PRKDC: variants seen among roughly 807,000 people sequenced by gnomAD.
The protein encoded by PRKDC is DNA-dependent protein kinase catalytic subunit.
A neutral mutation model predicts 486.9 loss-of-function variants in PRKDC; 82 were observed. That is an observed-to-expected ratio of 0.17 (90% CI 0.14 to 0.20). The LOEUF (loss-of-function observed/expected upper bound fraction) is 0.20, where lower values mean the gene tolerates loss of function less well. Ranked by LOEUF, PRKDC falls within the 10% of genes least tolerant of loss-of-function variation. The pLI is 1.00. For synonymous variants in PRKDC, 1,895 were observed against 1,837.0 expected, an observed-to-expected ratio of 1.03 and a Z score of -0.81; for missense variants, 4,504 against 5,038.2, an observed-to-expected ratio of 0.89 and a Z score of 3.21.
At chr8:47,851,482 G>A (rs1429886403) in intron 52 of PRKDC, among the ~76,000 whole-genome samples, 3 of 152,112 alleles carry the variant, frequency 2.0e-5, no homozygotes, top group African/African-American at 4.8e-5. Context: ...ATCCATACTT[G>A]GTGACATGGA....
chr8:47,802,978 G>A, intron 70 of PRKDC, among the ~76,000 whole-genome samples: 1 of 152,012 alleles, frequency 6.6e-6, no homozygotes, highest in East Asian at 1.9e-4. Context: ...TAGTAGAGAT[G>A]GGGTTTCATC....
chr8:47,919,781 A>C (rs1466926028), intron 21 of PRKDC, among the ~76,000 whole-genome samples: 4 of 151,756 alleles, frequency 2.6e-5, no homozygotes, highest in Non-Finnish European at 4.4e-5. Context: ...CACTGGAAAA[A>C]ACAGATCTTT....
intron 40 of PRKDC, among the ~76,000 whole-genome samples, chr8:47,868,983 C>A (rs1156925426): frequency 6.6e-6 from 1 of 152,130 alleles, no homozygotes; most frequent in Non-Finnish European, 1.5e-5. Context: ...TTTAGACCAG[C>A]CCTAATCAGA....
chr8:47,840,033 C>A lies in PRKDC; in HGVS notation c.7437G>T (p.Trp2479Cys), dbSNP rs1372091265. The change falls in exon 55 of 86, where the codon TGG (tryptophan) becomes TGT (cysteine). Residue 2479 changes from tryptophan (W) to cysteine (C), a missense_variant. Coordinates refer to ENST00000314191, the MANE Select transcript of PRKDC (RefSeq NM_006904.7). ...TAGCTTACCTGTAATTATCATGAAT[C>A]CACATGAGAATATTATACATTTGTT... is the stretch of plus-strand genomic sequence containing the variant. The part of the protein sequence containing the change: ...CREQMYNILM[W>C]IHDNYRDPES... 6.5e-7 allele frequency: 1 copy of A among 1,539,294 alleles called. No individual in the cohort carries two copies. Among genetic ancestry groups the A allele is most frequent in the Non-Finnish European group, 8.8e-7 (1 of 1,139,860 alleles).
intron 11 of PRKDC, among the ~76,000 whole-genome samples, chr8:47,937,272 A>G (rs1377512437): frequency 6.6e-6 from 1 of 152,156 alleles, no homozygotes; most frequent in African/African-American, 2.4e-5. Context: ...AAATAAATAA[A>G]TAAATAAAAT....
Position 47,882,052 on chromosome 8 carries a change from G to C in PRKDC, c.4822C>G (p.Arg1608Gly). The stretch of plus-strand genomic sequence containing the variant: ...AGTCCTTGGTGTTTCTGGTTTGCTC[G>C]CTCCCTGAAGCTCTGGTCTAACATG... ...NGMLDQSFRE[R>G]ANQKHQGLKL... is the part of the protein sequence containing the mutation. The change falls in exon 37 of 86, where the codon CGA becomes GGA. Residue 1608 changes from arginine (R) to glycine (G), a missense_variant. Physicochemically the swap from Arg to Gly is moderately radical, Grantham distance 125 (BLOSUM62 -2). Coordinates refer to ENST00000314191, the MANE Select transcript of PRKDC (RefSeq NM_006904.7). 6.2e-7 allele frequency: 1 copy of C among 1,613,828 alleles called. No individual in the cohort carries two copies. The highest frequency in any genetic ancestry group is 8.5e-7 in the Non-Finnish European group (1 of 1,179,828).
intron 31 of PRKDC, 123 bp downstream of exon 31, chr8:47,893,016 A>C: frequency 8.4e-7 from 1 of 1,187,772 alleles, no homozygotes; most frequent in South Asian, 3.0e-5. Context: ...GTGACATGAA[A>C]GCACGGGCAA....
chr8:47,952,084 T>A (rs1287658022), intron 7 of PRKDC, among the ~76,000 whole-genome samples: 1 of 152,180 alleles, frequency 6.6e-6, no homozygotes, highest in Non-Finnish European at 1.5e-5. Context: ...AAACTAAGGT[T>A]ACCATACAAC....
chr8:47,790,899 A>C (rs984025806), intron 74 of PRKDC, among the ~76,000 whole-genome samples: 3 of 152,198 alleles, frequency 2.0e-5, no homozygotes, highest in African/African-American at 7.2e-5. Flanking sequence ...CTCACCACAT[A>C]CAAAAATCAA....
chr8:47,818,334 C>A (rs951904824), intron 67 of PRKDC, among the ~76,000 whole-genome samples: 5 of 151,988 alleles, frequency 3.3e-5, no homozygotes, highest in Non-Finnish European at 5.9e-5. Flanking sequence ...TACCCCAGCA[C>A]TTTGGGAGGC....
chr8:47,934,555 A>AATAC lies in PRKDC; in HGVS notation c.1497+453_1497+454insGTAT, dbSNP rs1396513463. On this transcript the variant is annotated intron_variant, in intron 14 of 85. Transcript: ENST00000314191. The stretch of plus-strand genomic sequence containing the variant: ...GTCTCAAAAAATAAATAAATAAATA[A>AATAC]ATAGATAACGGAAAAATATGTGATT... Among the ~76,000 whole-genome samples, 6 of 152,264 alleles carry AATAC rather than the reference A, an allele frequency of 3.9e-5. No individual in the cohort carries two copies. In the East Asian group the frequency reaches 1.2e-3, roughly 29 times the overall value.
Position 47,840,045 on chromosome 8 carries a change from A to G in PRKDC, c.7425T>C (p.Asn2475=), listed in dbSNP as rs555635336. 1.0e-5 allele frequency: 16 copies of G among 1,548,420 alleles called. No individual in the cohort carries two copies. The highest frequency in any genetic ancestry group is 2.0e-5 in the Admixed American group (1 of 49,850). The part of the protein sequence containing the change: ...PSTTCREQMY[N]ILMWIHDNYR... ...AATTATCATGAATCCACATGAGAAT[A>G]TTATACATTTGTTCCCTACATGTTG... The change falls in exon 55 of 86, where the codon AAT becomes AAC. Residue 2475 remains asparagine (N), a synonymous_variant. Transcript: ENST00000314191.
rs921755630 is a variant in PRKDC, at chr8:47,927,647, C to A, written c.2259+124G>T. Reference sequence around the variant, plus strand: ...AGCCAGTAAGTGGCAGAAGCAGACCCTGACCCGGGCACGCCTGTGAGGAAA... The same window carrying A: ...AGCCAGTAAGTGGCAGAAGCAGACCATGACCCGGGCACGCCTGTGAGGAAA... On this transcript the variant is annotated intron_variant, in intron 20 of 85. Transcript: ENST00000314191. 5.5e-6 allele frequency: 7 copies of A among 1,270,558 alleles called. No homozygotes were observed. The East Asian group carries it at 8.1e-5, about 15-fold the overall frequency. The allele number at this position is 1,270,558 out of a possible 1,614,324, so 78.7% of individuals were successfully genotyped here. A position where few individuals can be genotyped will look rare whatever the true frequency, so the allele number is the denominator to read the frequency against.
In PRKDC at chr8:47,834,380, A is replaced by T; in HGVS notation, c.7968T>A (p.Phe2656Leu). The T allele has an allele frequency of 6.2e-7, 1 of 1,613,566 alleles. No homozygotes were observed. The highest frequency in any genetic ancestry group is 8.5e-7 in the Non-Finnish European group (1 of 1,179,842). ...CAGTGCTGCTCCCGGTCAGCCAATCAAATGAGCTTCTTCCATCTGTGACAT... is the reference window on the plus strand; with the variant it reads ...CAGTGCTGCTCCCGGTCAGCCAATCTAATGAGCTTCTTCCATCTGTGACAT... Reference protein sequence around the residue: ...LTQTADGRSSFDWLTGSSTDP... With the variant: ...LTQTADGRSSLDWLTGSSTDP... Residue 2656 changes from phenylalanine to leucine, a missense_variant, in exon 59 of 86, where the codon TTT becomes TTA. Phe to Leu is a conservative substitution (Grantham distance 22). Coordinates refer to ENST00000314191, the MANE Select transcript of PRKDC (RefSeq NM_006904.7).
chr8:47,776,439 C>CT (rs946242408), intron 85 of PRKDC, among the ~76,000 whole-genome samples: 2 of 152,214 alleles, frequency 1.3e-5, no homozygotes, highest in Non-Finnish European at 2.9e-5. Context: ...GAATTCTCAT[C>CT]TAACAAGCCC....
At position 47,864,549 on chromosome 8, in the gene PRKDC, A is replaced by C; in HGVS notation, c.5571+7T>G. ...ACTTCTTATTACTGATTTAAGGCGT[A>C]TGATACCTTTGTAAACCTGGACTTC... On this transcript the variant is annotated splice_region_variant and intron_variant, in intron 41 of 85. Transcript: ENST00000314191. The C allele has an allele frequency of 6.2e-7, 1 of 1,601,888 alleles. No individual in the cohort carries two copies. Among genetic ancestry groups the C allele is most frequent in the Non-Finnish European group, 8.5e-7 (1 of 1,174,564 alleles).
chr8:47,948,785 C>G (rs2090580271), intron 7 of PRKDC, among the ~76,000 whole-genome samples: 1 of 151,980 alleles, frequency 6.6e-6, no homozygotes, highest in Non-Finnish European at 1.5e-5. Flanking sequence ...ATATATGTAC[C>G]CATGAATTAG....
intron 84 of PRKDC, 63 bp downstream of exon 84, chr8:47,777,623 A>G (rs2086628296): frequency 6.9e-7 from 1 of 1,454,724 alleles, no homozygotes; most frequent in Admixed American, 2.1e-5. Flanking sequence ...TACACGAGAG[A>G]TACCAGCTTG....
intron 72 of PRKDC, 140 bp downstream of exon 72, chr8:47,799,070 A>C (rs1273766723): frequency 8.6e-7 from 1 of 1,162,916 alleles, no homozygotes; most frequent in Non-Finnish European, 1.2e-6. Flanking sequence ...CCCGGCTGCC[A>C]TTGTCTCTTA....
Sources: allele counts gnomAD v4.1 joint callset (sites outside exome capture counted in the v4.1 genomes callset), GRCh38; gene constraint gnomAD v4.1.1; transcripts MANE v1.5; gene names NCBI Gene and HGNC (gene_info 2026-07-23, HGNC 2026-07-21).